Variants in SDK1 observed in about 807,000 individuals in gnomAD.
The protein encoded by SDK1 is protein sidekick-1.
Under a neutral mutation model 245.5 loss-of-function variants are expected in SDK1, and 157 were observed. That is an observed-to-expected ratio of 0.64 (90% CI 0.56 to 0.73). SDK1 has a LOEUF of 0.73. Among genes scored for constraint, SDK1 ranks in the 30% least tolerant of loss-of-function variants. The pLI, the probability that SDK1 is intolerant of heterozygous loss-of-function variation, is 0.00. For synonymous variants in SDK1, 1,647 were observed against 1,278.5 expected (o/e 1.29, Z -6.15); for missense variants, 3,583 against 3,002.3 (o/e 1.19, Z -4.52).
At chr7:3,360,841 G>A (rs1244271161) in intron 1 of SDK1, among the ~76,000 whole-genome samples, 1 of 151,848 alleles carries the variant, frequency 6.6e-6, no homozygotes, top group Non-Finnish European at 1.5e-5. Flanking sequence ...ATAGTGGGGG[G>A]AGTTATAATT....
chr7:3,596,067 G>C (rs1781052125), intron 1 of SDK1, among the ~76,000 whole-genome samples: 1 of 150,700 alleles, frequency 6.6e-6, no homozygotes, highest in Admixed American at 6.6e-5. Context: ...CTCAATAATT[G>C]TTAGGTAGCA....
chr7:4,158,417 C>A lies in SDK1; in HGVS notation c.4626-31C>A. On this transcript the variant is annotated intron_variant, in intron 30 of 44. Coordinates refer to ENST00000404826, the MANE Select transcript of SDK1 (RefSeq NM_152744.4). ...TGAGGGCAGGACAGGGTGGCAGGGC[C>A]CCGGCAGTCACGGTCTCTTCCACAT... The A allele has an allele frequency of 1.9e-6, 3 of 1,568,206 alleles. 1 individual carries two copies. In the South Asian group the frequency reaches 3.3e-5, roughly 17 times the overall value.
intron 1 of SDK1, among the ~76,000 whole-genome samples, chr7:3,506,727 A>G (rs887676181): frequency 4.0e-5 from 6 of 151,768 alleles, no homozygotes; most frequent in African/African-American, 1.5e-4. Flanking sequence ...TCCTATATTT[A>G]TATGCATTTA....
chr7:3,848,283 G>C (rs1320981779), intron 5 of SDK1, among the ~76,000 whole-genome samples: 1 of 152,206 alleles, frequency 6.6e-6, no homozygotes, highest in African/African-American at 2.4e-5. Flanking sequence ...AGGAATTCCA[G>C]TTGTTCCTTT....
intron 1 of SDK1, chr7:3,338,012 A>C (rs1235336219): frequency 6.4e-6 from 1 of 157,078 alleles, no homozygotes; most frequent in Non-Finnish European, 1.4e-5. Context: ...TTGAAGCAAA[A>C]TTTTAATGTA....
intron 26 of SDK1, among the ~76,000 whole-genome samples, chr7:4,129,001 TG>T (rs1432322231): frequency 8.0e-6 from 1 of 124,902 alleles, no homozygotes; most frequent in East Asian, 2.4e-4. Flanking sequence ...TGGGGTGCCC[TG>T]GAGGAGAGCA....
At chr7:3,318,311 C>T (rs1282628031) in intron 1 of SDK1, among the ~76,000 whole-genome samples, 1 of 152,170 alleles carries the variant, frequency 6.6e-6, no homozygotes, top group African/African-American at 2.4e-5. Flanking sequence ...GATTCAAATC[C>T]TGACCCTGCC....
At chr7:4,180,666 C>G (rs977258208) in intron 35 of SDK1, among the ~76,000 whole-genome samples, 2 of 152,240 alleles carry the variant, frequency 1.3e-5, no homozygotes, top group Non-Finnish European at 2.9e-5. Flanking sequence ...ATTCTGCAGG[C>G]TGCGCAGGAA....
intron 19 of SDK1, among the ~76,000 whole-genome samples, chr7:4,055,681 A>G (rs1393664001): frequency 6.6e-6 from 1 of 150,638 alleles, no homozygotes; most frequent in East Asian, 2.0e-4. Context: ...CTTTGAGTGT[A>G]TTTTGCTCTC....
At chr7:3,788,945 T>C (rs1780995592) in intron 4 of SDK1, among the ~76,000 whole-genome samples, 1 of 152,178 alleles carries the variant, frequency 6.6e-6, no homozygotes, top group Non-Finnish European at 1.5e-5. Context: ...AGAATAGAAC[T>C]GTTTACGGGG....
rs374378051 is a variant in SDK1 at position 3,758,128 on chromosome 7, C to G, written c.714-63322C>G. 1.1e-4 allele frequency among the ~76,000 whole-genome samples: 17 copies of G among 152,242 alleles called. No individual in the cohort carries two copies. In the East Asian group the frequency reaches 1.9e-3, roughly 17 times the overall value. On this transcript the variant is annotated intron_variant, in intron 4 of 44. Coordinates refer to ENST00000404826, the MANE Select transcript of SDK1 (RefSeq NM_152744.4). ...AGTTCCACTCTGCAGGGAAGAGTAT[C>G]AAAGAATTCGTGGGCATATGTTAAA...
intron 1 of SDK1, among the ~76,000 whole-genome samples, chr7:3,382,662 G>C (rs1450607009): frequency 1.3e-5 from 2 of 152,144 alleles, no homozygotes; most frequent in African/African-American, 4.8e-5. Context: ...AAATGAGTAT[G>C]TTTGATTAGC....
intron 4 of SDK1, among the ~76,000 whole-genome samples, chr7:3,759,049 C>G (rs767146282): frequency 2.0e-5 from 3 of 152,144 alleles, no homozygotes; most frequent in Non-Finnish European, 4.4e-5. Flanking sequence ...TTTAGGTGTT[C>G]AATGGTAGCA....
intron 5 of SDK1, among the ~76,000 whole-genome samples, chr7:3,905,885 A>G (rs763559958): frequency 2.6e-5 from 4 of 152,036 alleles, no homozygotes; most frequent in African/African-American, 4.8e-5. Flanking sequence ...CAGCCTCCCA[A>G]AGTGCTGAGA....
chr7:3,796,058 T>C (rs1245717959), intron 4 of SDK1, among the ~76,000 whole-genome samples: 1 of 152,210 alleles, frequency 6.6e-6, no homozygotes, highest in Non-Finnish European at 1.5e-5. Flanking sequence ...GACAATTCTG[T>C]GTAGTCTTTC....
At chr7:3,559,169 T>C (rs1181778923) in intron 1 of SDK1, among the ~76,000 whole-genome samples, 4 of 152,196 alleles carry the variant, frequency 2.6e-5, no homozygotes, top group Admixed American at 6.5e-5. Flanking sequence ...TTATATAATA[T>C]GTTACATATA....
At chr7:3,530,696 A>C (rs535374153) in intron 1 of SDK1, among the ~76,000 whole-genome samples, 1 of 152,340 alleles carries the variant, frequency 6.6e-6, no homozygotes, top group Non-Finnish European at 1.5e-5. Flanking sequence ...ATATGAAGTT[A>C]GCTTATGTAC....
intron 5 of SDK1, among the ~76,000 whole-genome samples, chr7:3,943,391 C>G (rs1420582820): frequency 2.1e-3 from 1 of 466 alleles, no homozygotes; most frequent in Non-Finnish European, 5.1e-3. Context: ...CTTCTCCCCC[C>G]ACTTCCTCCT....
At chr7:3,577,868 T>A (rs1387105152) in intron 1 of SDK1, among the ~76,000 whole-genome samples, 1 of 152,050 alleles carries the variant, frequency 6.6e-6, no homozygotes, top group Non-Finnish European at 1.5e-5. Flanking sequence ...GCTCCTGTCA[T>A]GTCCGTACGC....
Sources: gnomAD v4.1 joint callset for allele counts (sites outside exome capture counted in the v4.1 genomes callset) on GRCh38, gnomAD v4.1.1 for gene constraint, MANE v1.5 for transcripts, NCBI Gene and HGNC (gene_info 2026-07-23, HGNC 2026-07-21) for gene names.